Variants in CNGB1 observed in about 807,000 individuals in gnomAD.
CNGB1 encodes the protein cyclic nucleotide gated channel subunit beta 1, also known as cyclic nucleotide-gated channel beta-1.
CNGB1 carries 126 observed loss-of-function variants against 151.7 expected under a neutral mutation model. The ratio of observed to expected loss-of-function variants is 0.83; its 90% CI spans 0.72 to 0.96. CNGB1 has a LOEUF of 0.96. Among genes scored for constraint, CNGB1 ranks in the 40% least tolerant of loss-of-function variants. The pLI, the probability that CNGB1 is intolerant of heterozygous loss-of-function variation, is 0.00. For missense variants in CNGB1, 1,698 were observed against 1,627.0 expected (o/e 1.04, Z -0.75); for synonymous variants, 623 against 635.1 (o/e 0.98, Z 0.29).
chr16:57,902,702 T>C (rs2149357924), intron 27 of CNGB1, among the ~76,000 whole-genome samples: 1 of 152,142 alleles, frequency 6.6e-6, no homozygotes, highest in African/African-American at 2.4e-5. Context: ...CTCAACTTCC[T>C]CAGGCTCAAG....
chr16:57,902,458 C>A (rs1331982851), intron 27 of CNGB1, among the ~76,000 whole-genome samples: 1 of 151,676 alleles, frequency 6.6e-6, no homozygotes, highest in East Asian at 1.9e-4. Flanking sequence ...TACTTTGAAC[C>A]CTGAAAAGCT....
At position 57,883,882 on chromosome 16, in the gene CNGB1, A is replaced by G; in HGVS notation, c.*282T>C. 5 of 560,900 alleles carry G rather than the reference A, an allele frequency of 8.9e-6. No homozygotes were observed. The South Asian group carries it at 1.1e-4, about 12-fold the overall frequency. The allele number at this position is 560,900 out of a possible 1,614,324, so 34.7% of individuals were successfully genotyped here. A position where few individuals can be genotyped will look rare whatever the true frequency, so the allele number is the denominator to read the frequency against. On this transcript the variant is annotated 3_prime_UTR_variant, in exon 33 of 33. Coordinates refer to ENST00000251102, the MANE Select transcript of CNGB1 (RefSeq NM_001297.5). Reference sequence around the variant, plus strand: ...AGTGGAAAATCATTTTGTTCTTAAAAAGAGGAACAGTCAGGAAAAGGTAGG... The same window carrying G: ...AGTGGAAAATCATTTTGTTCTTAAAGAGAGGAACAGTCAGGAAAAGGTAGG...
chr16:57,966,996 C>T, intron 2 of CNGB1, 132 bp downstream of exon 2: 2 of 1,258,982 alleles, frequency 1.6e-6, no homozygotes, highest in South Asian at 1.3e-5. Context: ...AGTGTGGGAC[C>T]CTGTGACCCC....
intron 2 of CNGB1, among the ~76,000 whole-genome samples, chr16:57,966,125 T>C (rs1318149529): frequency 1.3e-5 from 2 of 152,086 alleles, no homozygotes; most frequent in African/African-American, 4.8e-5. Context: ...CCCATCAGCC[T>C]CCAATCTCCA....
chr16:57,916,213 C>G (rs754190498), intron 21 of CNGB1, 34 bp from the exon 22 acceptor site: 2 of 1,598,512 alleles, frequency 1.3e-6, no homozygotes, highest in South Asian at 1.1e-5. Flanking sequence ...GTGAAATGAC[C>G]TTACAGCTTA....
At position 57,901,347 on chromosome 16, in the gene CNGB1, C is replaced by T. The variant is rs780789207; in HGVS notation, c.2976+5G>A. The stretch of plus-strand genomic sequence containing the variant: ...GATCCCGTGGTGGCTGCCAGGCCAG[C>T]TCACCTTCTTGCACACATAGTCGTT... On this transcript the variant is annotated splice_donor_5th_base_variant and intron_variant, in intron 29 of 32. Transcript: ENST00000251102. The T allele has an allele frequency of 7.4e-6, 12 of 1,613,868 alleles. No homozygotes were observed. The highest frequency in any genetic ancestry group is 6.8e-6 in the Non-Finnish European group (8 of 1,179,990).
Position 57,923,281 on chromosome 16 carries a change from C to T in CNGB1, c.1635G>A (p.Lys545=), listed in dbSNP as rs1298333202. 6.2e-7 allele frequency: 1 copy of T among 1,609,010 alleles called. No homozygotes were observed. ...VVAWSDPTTP[K]DTDGQDRAAS... is the part of the protein sequence containing the mutation. Reference sequence around the variant, plus strand: ...CCCCAGAGGGGTCTCACTCAGTGTCCTTCGGGGTGGTGGGGTCAGACCAGG... The same window carrying T: ...CCCCAGAGGGGTCTCACTCAGTGTCTTTCGGGGTGGTGGGGTCAGACCAGG... Residue 545 remains lysine, a synonymous_variant, in exon 18 of 33, where the codon AAG becomes AAA. Coordinates refer to ENST00000251102, the MANE Select transcript of CNGB1 (RefSeq NM_001297.5).
rs367933427 is a variant in CNGB1 at position 57,909,491 on chromosome 16, T to C, written c.2492+2262A>G. On this transcript the variant is annotated intron_variant, in intron 25 of 32. Transcript: ENST00000251102. ...ACCTCCCCCTTCCGGGTTCCAGCGATACTTCTCCTGCTTCAGCCTCCCAAG... is the reference window on the plus strand; with the variant it reads ...ACCTCCCCCTTCCGGGTTCCAGCGACACTTCTCCTGCTTCAGCCTCCCAAG... Among the ~76,000 whole-genome samples, 385 of 152,322 alleles carry C rather than the reference T, an allele frequency of 2.5e-3. 2 individuals are homozygous for C. Among genetic ancestry groups the C allele is most frequent in the African/African-American group, 8.8e-3 (364 of 41,576 alleles).
chr16:57,955,564 A>G (rs965018583), intron 12 of CNGB1, among the ~76,000 whole-genome samples: 1 of 152,182 alleles, frequency 6.6e-6, no homozygotes, highest in Non-Finnish European at 1.5e-5. Flanking sequence ...TCCTAACCCC[A>G]TTACTTGTGA....
chr16:57,884,193 G>C lies in CNGB1; in HGVS notation c.3727C>G (p.Pro1243Ala). The C allele has an allele frequency of 6.2e-7, 1 of 1,614,026 alleles. No individual in the cohort carries two copies. The highest frequency in any genetic ancestry group is 8.5e-7 in the Non-Finnish European group (1 of 1,179,938). ...PGEQILSVKM[P>A]EEREEKAE ...TCCGCCTTCTCCTCCCTTTCCTCCG[G>C]CATCTTCACCGACAGGATCTGCTCT... The change falls in exon 33 of 33, where the codon CCG becomes GCG. Residue 1243 changes from proline (P) to alanine (A), a missense_variant. Coordinates refer to ENST00000251102, the MANE Select transcript of CNGB1 (RefSeq NM_001297.5).
At chr16:57,919,730 G>A (rs1267046947) in intron 19 of CNGB1, among the ~76,000 whole-genome samples, 1 of 152,194 alleles carries the variant, frequency 6.6e-6, no homozygotes, top group Admixed American at 6.6e-5. Flanking sequence ...TCTAAAAACA[G>A]AGACCAGATG....
At chr16:57,893,987 G>A (rs1168652743) in intron 31 of CNGB1, among the ~76,000 whole-genome samples, 2 of 152,226 alleles carry the variant, frequency 1.3e-5, no homozygotes, top group South Asian at 2.1e-4. Context: ...GACACACTAC[G>A]TTGCCTGTCG....
Position 57,883,984 on chromosome 16 carries a change from G to A in CNGB1, c.*180C>T. 2.6e-6 allele frequency: 2 copies of A among 782,336 alleles called. No individual in the cohort carries two copies. The highest frequency in any genetic ancestry group is 4.2e-6 in the Non-Finnish European group (2 of 474,384). 48.5% of individuals were successfully genotyped at this position (782,336 alleles called of 1,614,324 possible). ...TCGAGCTCAGGCCCAGCCCCGCGAG[G>A]AGCTGAGTCGGGGCTGGCGTGCTGG... On this transcript the variant is annotated 3_prime_UTR_variant, in exon 33 of 33. Transcript: ENST00000251102.
At chr16:57,900,704 G>A (rs760076609) in intron 29 of CNGB1, among the ~76,000 whole-genome samples, 1 of 152,122 alleles carries the variant, frequency 6.6e-6, no homozygotes, top group Non-Finnish European at 1.5e-5. Context: ...TCCCCCTTTG[G>A]GGCAACCTTT....
intron 24 of CNGB1, among the ~76,000 whole-genome samples, chr16:57,912,078 G>A (rs1160695117): frequency 6.6e-6 from 1 of 151,916 alleles, no homozygotes; most frequent in African/African-American, 2.4e-5. Flanking sequence ...AGAGCTGACT[G>A]TGCACTGGGG....
intron 16 of CNGB1, among the ~76,000 whole-genome samples, chr16:57,937,935 G>C (rs1961556244): frequency 6.6e-6 from 1 of 152,220 alleles, no homozygotes; most frequent in African/African-American, 2.4e-5. Context: ...CCAATGGGCT[G>C]TCAGGTTTGA....
At position 57,955,279 on chromosome 16, in the gene CNGB1, G is replaced by T. The variant is rs1267151654; in HGVS notation, c.874+2062C>A. 1.9e-6 allele frequency: 3 copies of T among 1,550,548 alleles called. No individual in the cohort carries two copies. In the Admixed American group the frequency reaches 5.9e-5, roughly 30 times the overall value. The stretch of plus-strand genomic sequence containing the variant: ...CCCCCGGGAAGGTCTTCTCTTCAGG[G>T]CATCCTTCTTTCCTTCCATCCATGT... On this transcript the variant is annotated intron_variant, in intron 12 of 32. Transcript: ENST00000251102.
intron 12 of CNGB1, 140 bp downstream of exon 12, chr16:57,957,201 G>A: frequency 1.3e-6 from 1 of 749,328 alleles, no homozygotes; most frequent in Non-Finnish European, 2.3e-6. Context: ...CTCAGCTCCA[G>A]CCCAGGAGAC....
intron 32 of CNGB1, among the ~76,000 whole-genome samples, chr16:57,887,349 A>G (rs1596944894): frequency 6.6e-6 from 1 of 152,092 alleles, no homozygotes; most frequent in Admixed American, 6.6e-5. Flanking sequence ...AGGGGCGGGT[A>G]TGTGACCCAG....
Sources: gnomAD v4.1 joint callset for allele counts (sites outside exome capture counted in the v4.1 genomes callset) on GRCh38, gnomAD v4.1.1 for gene constraint, MANE v1.5 for transcripts, NCBI Gene and HGNC (gene_info 2026-07-23, HGNC 2026-07-21) for gene names.